PGCKA1: variants seen among roughly 807,000 people sequenced by gnomAD.
PGCKA1 encodes the protein PDCD10 and GCKIII kinases associated 1.
chr4:37,557,330 A>G, the PGCKA1 span, among the ~76,000 whole-genome samples: 2 of 152,188 alleles, frequency 1.3e-5, no homozygotes, highest in Non-Finnish European at 2.9e-5. Context: ...GCACATTGTC[A>G]TGTAATGTTT....
the PGCKA1 span, among the ~76,000 whole-genome samples, chr4:37,481,267 C>G: frequency 6.6e-6 from 1 of 151,878 alleles, no homozygotes; most frequent in Non-Finnish European, 1.5e-5. Flanking sequence ...CAAGACTATC[C>G]TGGCCAACAT....
the PGCKA1 span, among the ~76,000 whole-genome samples, chr4:37,587,100 G>T: frequency 1.3e-5 from 2 of 152,060 alleles, no homozygotes; most frequent in African/African-American, 4.8e-5. Flanking sequence ...AGCTTGGGGG[G>T]CTGCCAGTAC....
At chr4:37,506,704 G>A in the PGCKA1 span, among the ~76,000 whole-genome samples, 14 of 151,558 alleles carry the variant, frequency 9.2e-5, no homozygotes, top group African/African-American at 3.4e-4. Flanking sequence ...CTAACGTATG[G>A]TTTATCCTTG....
At chr4:37,538,017 C>G in the PGCKA1 span, among the ~76,000 whole-genome samples, 8 of 152,138 alleles carry the variant, frequency 5.3e-5, no homozygotes, top group African/African-American at 1.9e-4. Flanking sequence ...ATCACCACCA[C>G]TTCCACTGTC....
the PGCKA1 span, among the ~76,000 whole-genome samples, chr4:37,461,485 T>G: frequency 3.3e-5 from 5 of 152,014 alleles, no homozygotes; most frequent in African/African-American, 1.2e-4. Context: ...GTGTCCTCTC[T>G]TATTTCCTTA....
chr4:37,552,188 C>T, the PGCKA1 span, among the ~76,000 whole-genome samples: 1 of 152,210 alleles, frequency 6.6e-6, no homozygotes. Context: ...AGATTTCAGG[C>T]ATTGTATGGA....
the PGCKA1 span, among the ~76,000 whole-genome samples, chr4:37,500,153 T>C: frequency 6.6e-6 from 1 of 152,112 alleles, no homozygotes; most frequent in African/African-American, 2.4e-5. Flanking sequence ...CTTGATCTGC[T>C]GACCTCGTGA....
At chr4:37,492,864 G>A in the PGCKA1 span, among the ~76,000 whole-genome samples, 11 of 152,198 alleles carry the variant, frequency 7.2e-5, no homozygotes, top group African/African-American at 2.2e-4. This position sits in a 1 kb window ranked among gnomAD's most constrained non-coding sequence, Gnocchi z 4.7. Flanking sequence ...TGCTGCCACC[G>A]ATCCTAGTGC....
At chr4:37,507,860 G>A in the PGCKA1 span, among the ~76,000 whole-genome samples, 1 of 151,962 alleles carries the variant, frequency 6.6e-6, no homozygotes, top group African/African-American at 2.4e-5. Context: ...TGTTGAACAG[G>A]TCTGGTATTC....
chr4:37,548,001 CA>C, the PGCKA1 span, among the ~76,000 whole-genome samples: 89 of 115,694 alleles, frequency 7.7e-4, 1 homozygote, highest in African/African-American at 2.4e-3. Context: ...TGGTTATCTT[CA>C]AAAAAAAAAG....
the PGCKA1 span, among the ~76,000 whole-genome samples, chr4:37,570,219 C>T: frequency 7.4e-6 from 1 of 134,912 alleles, no homozygotes; most frequent in African/African-American, 2.8e-5. Flanking sequence ...AGGATGGTCT[C>T]GATCTCCTGA....
the PGCKA1 span, among the ~76,000 whole-genome samples, chr4:37,583,888 TA>T: frequency 4.6e-5 from 7 of 152,178 alleles, no homozygotes; most frequent in African/African-American, 1.7e-4. Context: ...TGCTCAGTAA[TA>T]AAGGGTACCC....
At chr4:37,488,040 G>A in the PGCKA1 span, among the ~76,000 whole-genome samples, 1 of 152,074 alleles carries the variant, frequency 6.6e-6, no homozygotes, top group Non-Finnish European at 1.5e-5. Context: ...GTGCACTTTT[G>A]TGTAAATATC....
chr4:37,526,864 T>TA, the PGCKA1 span, among the ~76,000 whole-genome samples: 192 of 151,542 alleles, frequency 1.3e-3, 1 homozygote, highest in African/African-American at 4.1e-3. Flanking sequence ...TCCACTTATT[T>TA]AAAAAAAAAG....
At chr4:37,509,185 C>T in the PGCKA1 span, among the ~76,000 whole-genome samples, 8 of 150,008 alleles carry the variant, frequency 5.3e-5, no homozygotes, top group Non-Finnish European at 8.9e-5. Flanking sequence ...TCTCAATGAG[C>T]TGTTGGGTAC....
the PGCKA1 span, among the ~76,000 whole-genome samples, chr4:37,521,834 C>CT: frequency 6.6e-6 from 1 of 152,158 alleles, no homozygotes; most frequent in Non-Finnish European, 1.5e-5. Context: ...CTCTTTAGCG[C>CT]TAATAATATT....
the PGCKA1 span, among the ~76,000 whole-genome samples, chr4:37,511,875 C>A: frequency 6.6e-6 from 1 of 152,234 alleles, no homozygotes; most frequent in African/African-American, 2.4e-5. Context: ...GCACTCCCAG[C>A]CACAGTGGCA....
chr4:37,497,904 C>T, the PGCKA1 span, among the ~76,000 whole-genome samples: 2 of 152,152 alleles, frequency 1.3e-5, no homozygotes, highest in African/African-American at 4.8e-5. Context: ...AGCTATTTAT[C>T]TTTGTTGTTA....
the PGCKA1 span, among the ~76,000 whole-genome samples, chr4:37,571,758 C>T: frequency 2.0e-5 from 3 of 151,816 alleles, no homozygotes; most frequent in Non-Finnish European, 4.4e-5. Flanking sequence ...AGGATGGTCT[C>T]GATCTCCTGA....
Sources: allele counts gnomAD v4.1 joint callset (sites outside exome capture counted in the v4.1 genomes callset), GRCh38; gene constraint gnomAD v4.1.1; non-coding constraint Gnocchi (gnomAD v3.1); transcripts MANE v1.5; gene names NCBI Gene and HGNC (gene_info 2026-07-23, HGNC 2026-07-21).